The following TGIF1 variants were observed in gnomAD, a reference collection of about 807,000 sequenced individuals.
TGIF1 encodes homeobox protein TGIF1.
A neutral mutation model predicts 19.3 loss-of-function variants in TGIF1; 4 were observed. That is an observed-to-expected ratio of 0.21 (90% confidence interval 0.10 to 0.47). The LOEUF (loss-of-function observed/expected upper bound fraction) is 0.47. Ranked by LOEUF, TGIF1 falls within the 20% of genes least tolerant of loss-of-function variation. TGIF1 has a pLI of 0.98. For missense variants in TGIF1, 275 were observed against 341.4 expected, an observed-to-expected ratio of 0.81 and a Z score of 1.53; for synonymous variants, 122 against 129.3, an observed-to-expected ratio of 0.94 and a Z score of 0.38.
At chr18:3,416,958 T>C (rs1415955277) in intron 1 of TGIF1, among the ~76,000 whole-genome samples, 2 of 151,744 alleles carry the variant, frequency 1.3e-5, no homozygotes, top group Admixed American at 6.6e-5. Flanking sequence ...AAAAAAAAGA[T>C]TTATAATAAA....
chr18:3,416,542 G>A (rs534600627), intron 1 of TGIF1, among the ~76,000 whole-genome samples: 1 of 151,868 alleles, frequency 6.6e-6, no homozygotes, highest in East Asian at 2.0e-4. Context: ...GCATTTGCAG[G>A]CTCTCTGTCT....
At position 3,451,487 on chromosome 18, in the gene TGIF1, G is replaced by T. The variant is rs367934660; in HGVS notation, c.16+982G>T. 1.5e-5 allele frequency: 15 copies of T among 988,568 alleles called. No individual in the cohort carries two copies. The highest frequency in any genetic ancestry group is 1.4e-5 in the Non-Finnish European group (12 of 832,226). 61.2% of individuals were successfully genotyped at this position (988,568 alleles called of 1,614,324 possible). A position where few individuals can be genotyped will look rare whatever the true frequency, so the allele number is the denominator to read the frequency against. On this transcript the variant is annotated intron_variant, in intron 1 of 2. Coordinates refer to ENST00000343820, the MANE Select transcript of TGIF1 (RefSeq NM_003244.4). The surrounding 1 kb of genome is among the most constrained non-coding windows in gnomAD (Gnocchi z 5.4). ...GTGGGCTGGAGGTGGCGTTTCTGTC[G>T]TGATTTATGTGGAGTGGTTCAAAAC...
chr18:3,417,437 G>T (rs976216877), intron 1 of TGIF1, among the ~76,000 whole-genome samples: 1 of 152,206 alleles, frequency 6.6e-6, no homozygotes, highest in East Asian at 1.9e-4. Context: ...TGGGATTACA[G>T]GCATGAGCCA....
chr18:3,443,727 T>G (rs1340242843), intron 2 of TGIF1, among the ~76,000 whole-genome samples: 1 of 151,978 alleles, frequency 6.6e-6, no homozygotes, highest in African/African-American at 2.4e-5. Flanking sequence ...ACCATGGGGT[T>G]TCACCATGTT....
intron 1 of TGIF1, among the ~76,000 whole-genome samples, chr18:3,415,855 A>G (rs1568025560): frequency 6.6e-6 from 1 of 152,204 alleles, no homozygotes; most frequent in Non-Finnish European, 1.5e-5. Flanking sequence ...ATAAAGAAAC[A>G]CTATAGTAAC....
chr18:3,458,082 C>A lies in TGIF1; in HGVS notation c.*142C>A, dbSNP rs1035802830. The stretch of plus-strand genomic sequence containing the variant: ...CAGCTTCCTGTTACTGAGATGTCTT[C>A]AATGGAATACAGTCATTCCAAGAAC... On this transcript the variant is annotated 3_prime_UTR_variant, in exon 3 of 3. Coordinates refer to ENST00000343820, the MANE Select transcript of TGIF1 (RefSeq NM_003244.4). 7.7e-5 allele frequency: 55 copies of A among 712,218 alleles called. No homozygotes were observed. The highest frequency in any genetic ancestry group is 1.1e-4 in the Non-Finnish European group (45 of 423,460). The allele number at this position is 712,218 out of a possible 1,614,324, so 44.1% of individuals were successfully genotyped here.
upstream of TGIF1, chr18:3,447,969 A>C (rs1484479635): frequency 1.1e-6 from 1 of 901,426 alleles, no homozygotes; most frequent in Non-Finnish European, 1.3e-6. Context: ...GTCCACTTGG[A>C]CGAAAGCAAA....
intron 2 of TGIF1, among the ~76,000 whole-genome samples, chr18:3,435,906 G>C (rs939163576): frequency 6.6e-6 from 1 of 152,116 alleles, no homozygotes; most frequent in African/African-American, 2.4e-5. Context: ...TGTCACCCAG[G>C]CTGGAGTGCA....
chr18:3,424,312 G>A (rs948359725), intron 2 of TGIF1, among the ~76,000 whole-genome samples: 25 of 152,050 alleles, frequency 1.6e-4, no homozygotes, highest in Admixed American at 1.0e-3. Flanking sequence ...ACACGAGAGT[G>A]TGAAAACACA....
intron 2 of TGIF1, among the ~76,000 whole-genome samples, chr18:3,424,243 T>G (rs1166906497): frequency 6.6e-6 from 1 of 150,638 alleles, no homozygotes; most frequent in Non-Finnish European, 1.5e-5. Context: ...AAGTTTTTTT[T>G]GTTGTTTTTT....
chr18:3,452,217 G>A (rs543624092), intron 1 of TGIF1: 1 of 1,605,102 alleles, frequency 6.2e-7, no homozygotes, highest in South Asian at 1.1e-5. Flanking sequence ...GTCCTCCTGC[G>A]CCCCCCCTCC....
chr18:3,459,433 G>C lies in TGIF1; in HGVS notation c.*1493G>C, dbSNP rs1329800132. 5 of 152,156 alleles carry C rather than the reference G, an allele frequency of 3.3e-5. No individual in the cohort carries two copies. The highest frequency in any genetic ancestry group is 2.6e-4 in the Admixed American group (4 of 15,276). 9.4% of individuals were successfully genotyped at this position (152,156 alleles called of 1,614,324 possible). ...AGGGAATGTTGTGCTCTAGCCTGTG[G>C]GGTGCAGCTTCGTAGGGCACATCAG... On this transcript the variant is annotated 3_prime_UTR_variant, in exon 3 of 3. Transcript: ENST00000343820.
At chr18:3,448,054 T>A (rs1038159502), upstream of TGIF1, 24 of 979,476 alleles carry the variant, frequency 2.5e-5, no homozygotes, top group Non-Finnish European at 2.9e-5. Flanking sequence ...CATTTTTGTC[T>A]CGAGCTGGCT....
rs766739006 is a variant in TGIF1, at chr18:3,457,931, T to C, written c.810T>C (p.Leu270=). ...CAGAGATGGAGCTTCAGGCAAAACTTACAGCTTAACCCATTTTCAAGCAAA... is the reference window on the plus strand; with the variant it reads ...CAGAGATGGAGCTTCAGGCAAAACTCACAGCTTAACCCATTTTCAAGCAAA... ...RAAEMELQAK[L]TA is the part of the protein sequence containing the mutation. The change falls in exon 3 of 3, where the codon CTT becomes CTC. Residue 270 remains leucine (L), a synonymous_variant. Transcript: ENST00000343820. The surrounding 1 kb of genome is among the most constrained non-coding windows in gnomAD (Gnocchi z 4.9). 4.4e-6 allele frequency: 7 copies of C among 1,600,166 alleles called. No individual in the cohort carries two copies. In the Admixed American group the frequency reaches 8.3e-5, roughly 19 times the overall value.
chr18:3,442,937 C>T (rs146424268), intron 2 of TGIF1, among the ~76,000 whole-genome samples: 2 of 152,282 alleles, frequency 1.3e-5, no homozygotes, highest in Non-Finnish European at 2.9e-5. Context: ...AGAAAGAGAT[C>T]TCACATAACT....
In TGIF1 at chr18:3,458,623, T is replaced by G. The variant is rs1159838950; in HGVS notation, c.*683T>G. On this transcript the variant is annotated 3_prime_UTR_variant, in exon 3 of 3. Transcript: ENST00000343820. The stretch of plus-strand genomic sequence containing the variant: ...GGAGGCATAGCAGGCCCTTAGAGCT[T>G]TACTTAAACTGCATGGCAAATTGAA... 1.3e-5 allele frequency: 2 copies of G among 153,366 alleles called. No homozygotes were observed. Among genetic ancestry groups the G allele is most frequent in the African/African-American group, 4.8e-5 (2 of 41,442 alleles). The allele number at this position is 153,366 out of a possible 1,614,324, so 9.5% of individuals were successfully genotyped here.
chr18:3,448,364 C>A, upstream of TGIF1: 1 of 1,008,264 alleles, frequency 9.9e-7, no homozygotes, highest in Non-Finnish European at 1.2e-6. Context: ...GCGGCCCCCT[C>A]TAACGGGCGG....
chr18:3,444,690 G>C (rs2082718396), intron 2 of TGIF1, among the ~76,000 whole-genome samples: 1 of 151,886 alleles, frequency 6.6e-6, no homozygotes, highest in South Asian at 2.1e-4. Context: ...TGAGTACAGT[G>C]GTGCGATCTC....
At chr18:3,435,372 A>G (rs1158645886) in intron 2 of TGIF1, among the ~76,000 whole-genome samples, 1 of 151,636 alleles carries the variant, frequency 6.6e-6, no homozygotes, top group Non-Finnish European at 1.5e-5. Flanking sequence ...AATTTTTTGT[A>G]TTTTAGTAGA....
Sources: allele counts gnomAD v4.1 joint callset (sites outside exome capture counted in the v4.1 genomes callset), GRCh38; gene constraint gnomAD v4.1.1; non-coding constraint Gnocchi (gnomAD v3.1); transcripts MANE v1.5; gene names NCBI Gene and HGNC (gene_info 2026-07-23, HGNC 2026-07-21).